Variants in CNTNAP5 observed in about 807,000 individuals in gnomAD.
The protein encoded by CNTNAP5 is contactin associated protein family member 5.
Under a neutral mutation model 150.2 loss-of-function variants are expected in CNTNAP5, and 72 were observed. The observed-to-expected ratio is 0.48, with a 90% CI of 0.40 to 0.58. The LOEUF is 0.58. CNTNAP5 is among the 20% of genes least tolerant of loss of function. CNTNAP5 has a pLI of 0.00. For synonymous variants in CNTNAP5, 672 were observed against 619.8 expected (o/e 1.08, Z -1.25); for missense variants, 1,636 against 1,626.2 (o/e 1.01, Z -0.10).
At chr2:124,177,361 A>C (rs1025358697) in intron 1 of CNTNAP5, among the ~76,000 whole-genome samples, 3 of 152,090 alleles carry the variant, frequency 2.0e-5, no homozygotes, top group Admixed American at 6.6e-5. Flanking sequence ...CATTTTTCTG[A>C]GCTCCAACAA....
chr2:124,790,587 AGTACCGT>A (rs1174235727), intron 18 of CNTNAP5, among the ~76,000 whole-genome samples: 2 of 152,198 alleles, frequency 1.3e-5, no homozygotes, highest in African/African-American at 4.8e-5. Context: ...TAGTAAACAC[AGTACCGT>A]GTATTTGGTG....
At chr2:124,310,535 TC>T (rs1432607416) in intron 3 of CNTNAP5, among the ~76,000 whole-genome samples, 4 of 151,944 alleles carry the variant, frequency 2.6e-5, no homozygotes, top group African/African-American at 9.7e-5. Context: ...GCCCAAGCCC[TC>T]CCTTAACAAA....
At chr2:124,701,140 T>G (rs1333706646) in intron 13 of CNTNAP5, among the ~76,000 whole-genome samples, 1 of 152,132 alleles carries the variant, frequency 6.6e-6, no homozygotes, top group Non-Finnish European at 1.5e-5. Flanking sequence ...CTTTGTGTCC[T>G]CTGACCTATA....
chr2:124,591,107 A>G (rs1260936881), intron 11 of CNTNAP5, among the ~76,000 whole-genome samples: 1 of 152,212 alleles, frequency 6.6e-6, no homozygotes, highest in Non-Finnish European at 1.5e-5. Context: ...TGTCCTTTTC[A>G]TTGAAGAGCA....
At chr2:124,504,246 G>T in intron 7 of CNTNAP5, 46 bp from the exon 8 acceptor site, 1 of 1,583,866 alleles carries the variant, frequency 6.3e-7, no homozygotes. Context: ...GTCAGATTGC[G>T]GAATAAAAAA....
chr2:124,661,176 T>A (rs1169886809), intron 13 of CNTNAP5, among the ~76,000 whole-genome samples: 5 of 152,128 alleles, frequency 3.3e-5, no homozygotes, highest in African/African-American at 1.2e-4. Flanking sequence ...AATAACAAAT[T>A]AACATTAATT....
At chr2:124,404,755 T>G (rs1691526602) in intron 3 of CNTNAP5, among the ~76,000 whole-genome samples, 1 of 152,202 alleles carries the variant, frequency 6.6e-6, no homozygotes, top group East Asian at 1.9e-4. Context: ...GGAGAGTTCT[T>G]GGAAGAAGAT....
intron 14 of CNTNAP5, among the ~76,000 whole-genome samples, chr2:124,750,663 CA>C (rs1176847860): frequency 6.6e-6 from 1 of 151,908 alleles, no homozygotes; most frequent in Non-Finnish European, 1.5e-5. Flanking sequence ...TAGGTGGGTA[CA>C]AAAGTAATGG....
At chr2:124,603,822 T>C (rs1374566834) in intron 11 of CNTNAP5, among the ~76,000 whole-genome samples, 14 of 152,166 alleles carry the variant, frequency 9.2e-5, no homozygotes. Context: ...CATACATACA[T>C]GCATACATAT....
chr2:124,236,189 T>A (rs1432102349), intron 2 of CNTNAP5, among the ~76,000 whole-genome samples: 3 of 152,052 alleles, frequency 2.0e-5, no homozygotes, highest in Non-Finnish European at 1.5e-5. Context: ...TGGTCTTGAA[T>A]TCCTGACCTC....
At chr2:124,852,916 C>G (rs1461144452) in intron 19 of CNTNAP5, among the ~76,000 whole-genome samples, 1 of 152,138 alleles carries the variant, frequency 6.6e-6, no homozygotes, top group African/African-American at 2.4e-5. Context: ...CCTGAGCAGC[C>G]AGCACAGAGG....
At chr2:124,818,285 C>A (rs1682410809) in intron 19 of CNTNAP5, among the ~76,000 whole-genome samples, 1 of 152,188 alleles carries the variant, frequency 6.6e-6, no homozygotes, top group Admixed American at 6.5e-5. Flanking sequence ...AGGTAACTGG[C>A]TCCCAGAATT....
chr2:124,510,313 C>CTATATA (rs1694542064), intron 8 of CNTNAP5, among the ~76,000 whole-genome samples: 5 of 54,264 alleles, frequency 9.2e-5, no homozygotes, highest in African/African-American at 3.3e-4. Context: ...ATATATATAT[C>CTATATA]TATATATCTA....
chr2:124,411,479 A>G (rs377409689), intron 3 of CNTNAP5, among the ~76,000 whole-genome samples: 4 of 151,622 alleles, frequency 2.6e-5, no homozygotes, highest in Non-Finnish European at 4.4e-5. Flanking sequence ...AAAATCCTCA[A>G]TAAAATACTG....
intron 1 of CNTNAP5, among the ~76,000 whole-genome samples, chr2:124,187,149 G>A (rs981671948): frequency 1.3e-5 from 2 of 152,136 alleles, no homozygotes; most frequent in Non-Finnish European, 2.9e-5. Flanking sequence ...GAGAAAAAAA[G>A]AGCAACCTGG....
chr2:124,095,678 C>G (rs1260983220), intron 1 of CNTNAP5, among the ~76,000 whole-genome samples: 1 of 152,110 alleles, frequency 6.6e-6, no homozygotes, highest in Non-Finnish European at 1.5e-5. Context: ...GAATGAGTCT[C>G]TCTTCTGTTG....
chr2:124,104,367 C>G (rs1183194641), intron 1 of CNTNAP5, among the ~76,000 whole-genome samples: 1 of 152,000 alleles, frequency 6.6e-6, no homozygotes, highest in Non-Finnish European at 1.5e-5. Flanking sequence ...TTTTTCTCCT[C>G]TATTTTTTGA....
intron 10 of CNTNAP5, among the ~76,000 whole-genome samples, chr2:124,546,368 G>A (rs1695510356): frequency 6.6e-6 from 1 of 151,748 alleles, no homozygotes; most frequent in South Asian, 2.1e-4. Flanking sequence ...TTCTCAATGT[G>A]TGTGTGTGTG....
Position 124,707,205 on chromosome 2 carries a change from A to AAGAAGAAGAAG in CNTNAP5, c.2078-40023_2078-40022insGAAGAAGAAGA, listed in dbSNP as rs879641750. On this transcript the variant is annotated intron_variant, in intron 13 of 23. Coordinates refer to ENST00000682447, the MANE Select transcript of CNTNAP5 (RefSeq NM_001367498.1). ...GAAGAAGAAGAAGAAGAAGAAGAAGAATAAACAACTTGGGATCATTCACTG... is the reference window on the plus strand; with the variant it reads ...GAAGAAGAAGAAGAAGAAGAAGAAGAAGAAGAAGAAGATAAACAACTTGGGATCATTCACTG... Among the ~76,000 whole-genome samples the AAGAAGAAGAAG allele has an allele frequency of 3.4e-5, 5 of 145,256 alleles. 2 individuals carry two copies. The highest frequency in any genetic ancestry group is 6.8e-5 in the Admixed American group (1 of 14,678).
Sources: gnomAD v4.1 joint callset for allele counts (sites outside exome capture counted in the v4.1 genomes callset) on GRCh38, gnomAD v4.1.1 for gene constraint, MANE v1.5 for transcripts, NCBI Gene and HGNC (gene_info 2026-07-23, HGNC 2026-07-21) for gene names.